The following RUNDC3B variants were observed in gnomAD, a reference collection of about 807,000 sequenced individuals.
RUNDC3B encodes RUN domain-containing protein 3B.
In RUNDC3B, 33 loss-of-function variants were observed where a neutral mutation model predicts 58.4. That is an observed-to-expected ratio of 0.56 (90% CI 0.43 to 0.75). RUNDC3B has a LOEUF of 0.75. RUNDC3B is among the 30% of genes least tolerant of loss of function. RUNDC3B has a pLI of 0.00. For missense variants in RUNDC3B, 501 were observed against 535.7 expected, an observed-to-expected ratio of 0.94 and a Z score of 0.64; for synonymous variants, 193 against 195.2, an observed-to-expected ratio of 0.99 and a Z score of 0.10.
intron 8 of RUNDC3B, among the ~76,000 whole-genome samples, chr7:87,806,501 TG>T (rs1249703267): frequency 2.0e-5 from 3 of 152,200 alleles, no homozygotes. Context: ...GTTACCTAAA[TG>T]GTACTTTAAG....
At chr7:87,646,605 G>T (rs1477531369) in intron 1 of RUNDC3B, among the ~76,000 whole-genome samples, 1 of 152,110 alleles carries the variant, frequency 6.6e-6, no homozygotes, top group Non-Finnish European at 1.5e-5. Flanking sequence ...AATACATTCA[G>T]AAATTTCCTT....
At chr7:87,764,459 G>C (rs6957103) in intron 6 of RUNDC3B, among the ~76,000 whole-genome samples, 150,209 of 151,894 alleles carry the variant, frequency 0.99, 74,272 homozygotes, top group East Asian at 1. Flanking sequence ...AGGTTTGTTA[G>C]TTGGATATAT....
intron 1 of RUNDC3B, among the ~76,000 whole-genome samples, chr7:87,644,186 T>C (rs1173447230): frequency 6.6e-6 from 1 of 152,234 alleles, no homozygotes; most frequent in Non-Finnish European, 1.5e-5. Context: ...TGAAAAATTC[T>C]CTGTGTTTCT....
intron 6 of RUNDC3B, among the ~76,000 whole-genome samples, chr7:87,743,524 G>A (rs1275200911): frequency 2.6e-5 from 4 of 152,062 alleles, no homozygotes; most frequent in Non-Finnish European, 4.4e-5. Context: ...CAGGAGTAAG[G>A]TGGTATCACA....
intron 8 of RUNDC3B, among the ~76,000 whole-genome samples, chr7:87,778,706 T>C (rs1450722232): frequency 1.3e-5 from 2 of 152,142 alleles, no homozygotes; most frequent in Non-Finnish European, 2.9e-5. Flanking sequence ...AGCTGAGTTA[T>C]TTTTTAAGAG....
At chr7:87,791,266 A>G (rs528529785) in intron 8 of RUNDC3B, among the ~76,000 whole-genome samples, 2 of 152,244 alleles carry the variant, frequency 1.3e-5, no homozygotes, top group Non-Finnish European at 2.9e-5. Context: ...GGAGAAATAG[A>G]CTTTCCCAGA....
At chr7:87,700,201 A>C (rs1249060023) in intron 2 of RUNDC3B, among the ~76,000 whole-genome samples, 1 of 152,198 alleles carries the variant, frequency 6.6e-6, no homozygotes, top group Non-Finnish European at 1.5e-5. Context: ...ACTATGATCC[A>C]GACTCATTAA....
chr7:87,676,225 TAAAC>T (rs548602027), intron 2 of RUNDC3B, among the ~76,000 whole-genome samples: 31 of 152,086 alleles, frequency 2.0e-4, no homozygotes, highest in African/African-American at 1.2e-4. Flanking sequence ...AGACCCTGTC[TAAAC>T]AAACAAACAA....
In RUNDC3B at chr7:87,633,930, T is replaced by A. The variant is rs563897831; in HGVS notation, c.122+4985T>A. Among the ~76,000 whole-genome samples, 32 of 152,302 alleles carry A rather than the reference T, an allele frequency of 2.1e-4. No homozygotes were observed. In the East Asian group the frequency reaches 2.3e-3, roughly 11 times the overall value. On this transcript the variant is annotated intron_variant, in intron 1 of 10. Transcript: ENST00000394654. Reference sequence around the variant, plus strand: ...AAAAGAGGTTTATTTAGCTAACAGTTCTGTAGGTTGTACAAAAACCGTGGC... The same window carrying A: ...AAAAGAGGTTTATTTAGCTAACAGTACTGTAGGTTGTACAAAAACCGTGGC...
intron 2 of RUNDC3B, among the ~76,000 whole-genome samples, chr7:87,664,378 C>T (rs772202880): frequency 1.4e-4 from 22 of 152,156 alleles, no homozygotes; most frequent in Admixed American, 2.6e-4. Flanking sequence ...ACCAAAATTA[C>T]TTTACTTACA....
At chr7:87,677,124 G>C (rs1412743535) in intron 2 of RUNDC3B, among the ~76,000 whole-genome samples, 1 of 152,026 alleles carries the variant, frequency 6.6e-6, no homozygotes, top group East Asian at 1.9e-4. Flanking sequence ...TTCTACTTCT[G>C]GGTTATTTAT....
chr7:87,812,160 T>G (rs1836755667), intron 9 of RUNDC3B, among the ~76,000 whole-genome samples: 1 of 152,202 alleles, frequency 6.6e-6, no homozygotes, highest in Non-Finnish European at 1.5e-5. Flanking sequence ...TCAGGATTAT[T>G]TCTGAATTTC....
At chr7:87,737,234 GA>G (rs1344596093) in intron 4 of RUNDC3B, among the ~76,000 whole-genome samples, 1 of 151,642 alleles carries the variant, frequency 6.6e-6, no homozygotes, top group African/African-American at 2.4e-5. Context: ...ATTTTTAACT[GA>G]AAAAAGGGAA....
At position 87,751,455 on chromosome 7, in the gene RUNDC3B, G is replaced by A. The variant is rs1281394993; in HGVS notation, c.629+9876G>A. Among the ~76,000 whole-genome samples, 8 of 152,202 alleles carry A rather than the reference G, an allele frequency of 5.3e-5. 1 individual carries two copies. Among genetic ancestry groups the A allele is most frequent in the East Asian group, 1.9e-4 (1 of 5,176 alleles). ...GCTTGATGGGGATGGCATTGAATCT[G>A]TAAATTACCTTGGGCAATATGGCCA... On this transcript the variant is annotated intron_variant, in intron 6 of 10. Transcript: ENST00000394654.
At chr7:87,656,149 G>C (rs1824077697) in intron 2 of RUNDC3B, among the ~76,000 whole-genome samples, 1 of 151,618 alleles carries the variant, frequency 6.6e-6, no homozygotes, top group Admixed American at 6.6e-5. Flanking sequence ...AAGAAAGTGA[G>C]GTAATATGTA....
At chr7:87,635,668 T>C (rs914089501) in intron 1 of RUNDC3B, among the ~76,000 whole-genome samples, 16 of 152,208 alleles carry the variant, frequency 1.1e-4, no homozygotes, top group African/African-American at 3.4e-4. Flanking sequence ...GTAGCATAAC[T>C]ATGCAGCTCA....
chr7:87,788,194 G>A (rs907059250), intron 8 of RUNDC3B, among the ~76,000 whole-genome samples: 1 of 152,176 alleles, frequency 6.6e-6, no homozygotes, highest in African/African-American at 2.4e-5. Flanking sequence ...AGGCCAAGGC[G>A]AGAGAATCAC....
At chr7:87,672,923 T>A (rs566081690) in intron 2 of RUNDC3B, among the ~76,000 whole-genome samples, 1 of 152,128 alleles carries the variant, frequency 6.6e-6, no homozygotes, top group East Asian at 1.9e-4. Flanking sequence ...GATGTTTCAA[T>A]TGAAGGTGCT....
chr7:87,645,936 T>C (rs1822958441), intron 1 of RUNDC3B, among the ~76,000 whole-genome samples: 1 of 152,216 alleles, frequency 6.6e-6, no homozygotes, highest in African/African-American at 2.4e-5. Flanking sequence ...GAAGCAAAGC[T>C]GGAGAACATT....
Sources: allele counts gnomAD v4.1 joint callset (sites outside exome capture counted in the v4.1 genomes callset), GRCh38; gene constraint gnomAD v4.1.1; transcripts MANE v1.5; gene names NCBI Gene and HGNC (gene_info 2026-07-23, HGNC 2026-07-21).